The following MICAL3 variants were observed in gnomAD, a reference collection of about 807,000 sequenced individuals.
MICAL3 encodes the protein microtubule associated monooxygenase, calponin and LIM domain containing 3, also known as [F-actin]-monooxygenase MICAL3.
MICAL3 carries 62 observed loss-of-function variants against 207.4 expected under a neutral mutation model. That is an observed-to-expected ratio of 0.30 (90% CI 0.24 to 0.37). MICAL3 has a LOEUF of 0.37. Ranked by LOEUF, MICAL3 falls within the 10% of genes least tolerant of loss-of-function variation. The pLI, the probability that MICAL3 is intolerant of heterozygous loss-of-function variation, is 1.00. For synonymous variants in MICAL3, 1,077 were observed against 1,069.3 expected (o/e 1.01, Z -0.14); for missense variants, 2,368 against 2,635.6 (o/e 0.90, Z 2.22).
At chr22:17,930,878 T>C (rs1933216601) in intron 1 of MICAL3, among the ~76,000 whole-genome samples, 2 of 152,216 alleles carry the variant, frequency 1.3e-5, no homozygotes, top group Non-Finnish European at 2.9e-5. Context: ...CAGCTCCTCT[T>C]CCTCACGCTG....
In MICAL3 at chr22:17,841,982, C is replaced by T. The variant is rs750459709; in HGVS notation, c.2641G>A (p.Ala881Thr). 10 of 1,605,184 alleles carry T rather than the reference C, an allele frequency of 6.2e-6. No homozygotes were observed. Among genetic ancestry groups the T allele is most frequent in the Non-Finnish European group, 6.8e-6 (8 of 1,179,336 alleles). Residue 881 changes from alanine (A) to threonine (T), a missense_variant, in exon 20 of 32, where the codon GCC becomes ACC. By Grantham distance (58) the Ala-to-Thr change is moderately conservative (BLOSUM62 0). Coordinates refer to ENST00000441493, the MANE Select transcript of MICAL3 (RefSeq NM_015241.3). This position sits in a 1 kb window ranked among gnomAD's most constrained non-coding sequence, Gnocchi z 4.2. ...TCTGGGGTGCCCCTCAGTCGCTTGG[C>T]GATGCTGGGCTCCTCCAGGCCGTTC... ...GVNGLEEPSI[A>T]KRLRGTPERI...
At chr22:17,879,419 AG>A in intron 16 of MICAL3, 1 of 1,607,122 alleles carries the variant, frequency 6.2e-7, no homozygotes, top group Non-Finnish European at 8.5e-7. Flanking sequence ...GCAACAAAGT[AG>A]AAACTTAAGC....
At chr22:17,942,984 G>A (rs879718364) in intron 1 of MICAL3, among the ~76,000 whole-genome samples, 2 of 152,160 alleles carry the variant, frequency 1.3e-5, no homozygotes, top group Non-Finnish European at 2.9e-5. Flanking sequence ...ACACAACACA[G>A]CCACTGCTAC....
Position 17,900,156 on chromosome 22 carries a change from C to CTACA in MICAL3, c.848-612_848-609dup, listed in dbSNP as rs1354408093. On this transcript the variant is annotated intron_variant, in intron 6 of 31. Coordinates refer to ENST00000441493, the MANE Select transcript of MICAL3 (RefSeq NM_015241.3). This position sits in a 1 kb window ranked among gnomAD's most constrained non-coding sequence, Gnocchi z 4.0. ...CCTGAGCTGGAACTCAGGAAGAAGACTACATACTTAAAAGGCCTAAAGTCA... is the reference window on the plus strand; with the variant it reads ...CCTGAGCTGGAACTCAGGAAGAAGACTACATACATACTTAAAAGGCCTAAAGTCA... Among the ~76,000 whole-genome samples, 1 of 152,176 alleles carries CTACA rather than the reference C, an allele frequency of 6.6e-6. No individual in the cohort carries two copies. The highest frequency in any genetic ancestry group is 1.5e-5 in the Non-Finnish European group (1 of 68,036).
rs111844436 is a variant in MICAL3 at position 17,825,433 on chromosome 22, G to A, written c.3193+2211C>T. ...TATGAAAGCCAGGAGCCACTGACCC[G>A]CTCAGCTCTTGGTTTCCTTCAGCCG... On this transcript the variant is annotated intron_variant, in intron 22 of 31. Coordinates refer to ENST00000441493, the MANE Select transcript of MICAL3 (RefSeq NM_015241.3). 2.2e-3 allele frequency among the ~76,000 whole-genome samples: 332 copies of A among 152,190 alleles called. 1 individual carries two copies. Among genetic ancestry groups the A allele is most frequent in the African/African-American group, 7.5e-3 (313 of 41,514 alleles).
Position 18,000,721 on chromosome 22 carries a change from G to A in MICAL3, c.-75+23560C>T, listed in dbSNP as rs549364336. ...GGAAGGGGCATCACTGAGACTAGAGGCGAAGGCGGCTGCGATCGCCCGGCC... is the reference window on the plus strand; with the variant it reads ...GGAAGGGGCATCACTGAGACTAGAGACGAAGGCGGCTGCGATCGCCCGGCC... On this transcript the variant is annotated intron_variant, in intron 1 of 31. Transcript: ENST00000441493. Among the ~76,000 whole-genome samples the A allele has an allele frequency of 1.3e-4, 20 of 152,364 alleles. No individual in the cohort carries two copies. The East Asian group carries it at 1.9e-3, about 15-fold the overall frequency.
intron 13 of MICAL3, 120 bp from the exon 14 acceptor site, chr22:17,887,555 A>C: frequency 3.2e-6 from 2 of 630,022 alleles, no homozygotes; most frequent in Non-Finnish European, 5.7e-6. Flanking sequence ...AAGGTTCACC[A>C]GCTCCAGGAC....
chr22:17,935,254 G>A (rs1933460096), intron 1 of MICAL3, among the ~76,000 whole-genome samples: 1 of 152,106 alleles, frequency 6.6e-6, no homozygotes, highest in Admixed American at 6.5e-5. Context: ...GAACAGAAAA[G>A]AGGCCTCAGA....
intron 23 of MICAL3, 122 bp from the exon 24 acceptor site, chr22:17,822,292 G>GC (rs1333181976): frequency 2.3e-6 from 3 of 1,278,052 alleles, no homozygotes; most frequent in Non-Finnish European, 3.2e-6. Context: ...AGGCCTGGAG[G>GC]CCCTTCTTAC....
At chr22:17,958,704 T>TTTTTTTTTTTTTTTTTTTTTTA (rs1934749675) in intron 1 of MICAL3, among the ~76,000 whole-genome samples, 1 of 134,050 alleles carries the variant, frequency 7.5e-6, no homozygotes. Context: ...TGGGTTTTTT[T>TTTTTTTTTTTTTTTTTTTTTTA]ATTTTTTTTT....
rs944425412 is a variant in MICAL3, at chr22:17,816,620, A to C, written c.5445+70T>G. 2.3e-5 allele frequency: 29 copies of C among 1,263,834 alleles called. No homozygotes were observed. In the African/African-American group the frequency reaches 3.6e-4, roughly 16 times the overall value. 78.3% of individuals were successfully genotyped at this position (1,263,834 alleles called of 1,614,324 possible). On this transcript the variant is annotated intron_variant, in intron 27 of 31. Transcript: ENST00000441493. ...TTGCGGTTTGCTCTCCCTCTCCTCT[A>C]CCCCACCAAAGCCCAACAATGAACA... is the stretch of plus-strand genomic sequence containing the variant.
intron 1 of MICAL3, among the ~76,000 whole-genome samples, chr22:17,976,965 C>A (rs1265252213): frequency 3.3e-5 from 5 of 151,978 alleles, no homozygotes; most frequent in Admixed American, 2.0e-4. Flanking sequence ...CGCCACCATG[C>A]CCGGCTAATT....
rs371117740 is a variant in MICAL3, at chr22:17,956,388, T to C, written c.-74-49502A>G. Among the ~76,000 whole-genome samples the C allele has an allele frequency of 7.0e-4, 107 of 152,264 alleles. 1 individual carries two copies. The South Asian group carries it at 0.021, about 30-fold the overall frequency. ...ATGGTACCTACAGAAATCCATGCACTACCGGCCGGGCATGGTGGCTCACGG... is the reference window on the plus strand; with the variant it reads ...ATGGTACCTACAGAAATCCATGCACCACCGGCCGGGCATGGTGGCTCACGG... On this transcript the variant is annotated intron_variant, in intron 1 of 31. Coordinates refer to ENST00000441493, the MANE Select transcript of MICAL3 (RefSeq NM_015241.3).
At chr22:17,971,752 C>A (rs1265509813) in intron 1 of MICAL3, among the ~76,000 whole-genome samples, 2 of 152,216 alleles carry the variant, frequency 1.3e-5, no homozygotes, top group Non-Finnish European at 2.9e-5. Context: ...AACAGCAGAA[C>A]CTAAGACAGA....
rs1180168607 is a variant in MICAL3 at position 17,793,820 on chromosome 22, A to C, written c.5651-2519T>G. The C allele has an allele frequency of 6.6e-6, 1 of 152,526 alleles. No individual in the cohort carries two copies. The highest frequency in any genetic ancestry group is 2.4e-5 in the African/African-American group (1 of 41,412). 9.4% of individuals were successfully genotyped at this position (152,526 alleles called of 1,614,324 possible). Reference sequence around the variant, plus strand: ...CTTCAAAAGGGACCAAGCAAGGAAGAGGAGGAGACGGAGAAAGACAAAAAA... The same window carrying C: ...CTTCAAAAGGGACCAAGCAAGGAAGCGGAGGAGACGGAGAAAGACAAAAAA... On this transcript the variant is annotated intron_variant, in intron 29 of 31. Coordinates refer to ENST00000441493, the MANE Select transcript of MICAL3 (RefSeq NM_015241.3). This position sits in a 1 kb window ranked among gnomAD's most constrained non-coding sequence, Gnocchi z 4.1.
At chr22:17,870,873 C>T (rs1927659041) in intron 17 of MICAL3, among the ~76,000 whole-genome samples, 1 of 152,216 alleles carries the variant, frequency 6.6e-6, no homozygotes, top group African/African-American at 2.4e-5. Flanking sequence ...TGGGCTCCTT[C>T]CTTGCTCCTT....
chr22:17,887,457 G>A (rs1930016904), intron 13 of MICAL3, 22 bp from the exon 14 acceptor site: 1 of 1,562,038 alleles, frequency 6.4e-7, no homozygotes, highest in African/African-American at 1.4e-5. Flanking sequence ...AACCAGTGAT[G>A]TTCAAGCACA....
intron 21 of MICAL3, 98 bp downstream of exon 21, chr22:17,831,756 T>C: frequency 1.3e-6 from 2 of 1,488,006 alleles, no homozygotes. Flanking sequence ...AGGAGGCACG[T>C]CCGTGTGACG....
At chr22:18,006,092 A>G (rs1161558580) in intron 1 of MICAL3, 1 of 152,164 alleles carries the variant, frequency 6.6e-6, no homozygotes, top group African/African-American at 2.4e-5. Flanking sequence ...ATCCCCAGAG[A>G]GCTCTAAAAT....
Sources: gnomAD v4.1 joint callset for allele counts (sites outside exome capture counted in the v4.1 genomes callset) on GRCh38, gnomAD v4.1.1 for gene constraint, Gnocchi (gnomAD v3.1) non-coding constraint, MANE v1.5 for transcripts, NCBI Gene and HGNC (gene_info 2026-07-23, HGNC 2026-07-21) for gene names.